Variants in KYAT3 observed in about 807,000 individuals in gnomAD.
KYAT3 encodes kynurenine aminotransferase 3.
KYAT3 carries 50 observed loss-of-function variants against 59.0 expected under a neutral mutation model. The observed-to-expected ratio is 0.85, with a 90% CI of 0.68 to 1.07. KYAT3 has a LOEUF of 1.07. KYAT3 is among the 50% of genes least tolerant of loss of function. The pLI is 0.00. For synonymous variants in KYAT3, 148 were observed against 177.0 expected, an observed-to-expected ratio of 0.84 and a Z score of 1.30; for missense variants, 497 against 533.3, an observed-to-expected ratio of 0.93 and a Z score of 0.67.
intron 1 of KYAT3, among the ~76,000 whole-genome samples, chr1:88,990,739 G>C (rs541236547): frequency 6.6e-6 from 1 of 152,168 alleles, no homozygotes; most frequent in Non-Finnish European, 1.5e-5. Context: ...TGGCTCTGAA[G>C]AAATCTAAGC....
chr1:88,955,105 T>C (rs1675853736), intron 9 of KYAT3, 44 bp downstream of exon 9: 1 of 1,244,050 alleles, frequency 8.0e-7, no homozygotes, highest in Non-Finnish European at 1.2e-6. Context: ...AAATAAATAA[T>C]ATACAGGCCT....
the KYAT3 span, among the ~76,000 whole-genome samples, chr1:88,929,638 C>T: frequency 1.3e-5 from 2 of 152,212 alleles, no homozygotes; most frequent in Non-Finnish European, 2.9e-5. Flanking sequence ...CCTTTTGCCA[C>T]TAAGCCACCC....
At chr1:88,932,670 C>CT (rs1426268132), downstream of KYAT3, among the ~76,000 whole-genome samples, 1 of 151,828 alleles carries the variant, frequency 6.6e-6, no homozygotes, top group Admixed American at 6.6e-5. Flanking sequence ...TTTTTAAATT[C>CT]TTTTTTGTGG....
At chr1:88,957,642 A>G (rs17432348) in intron 8 of KYAT3, among the ~76,000 whole-genome samples, 16,161 of 152,270 alleles carry the variant, frequency 0.11, 925 homozygotes, top group Middle Eastern at 0.19. Context: ...ATCTAAGTTC[A>G]AAATATACAT....
At chr1:88,949,582 CTGAGG>C (rs1675593832) in intron 10 of KYAT3, among the ~76,000 whole-genome samples, 1 of 152,178 alleles carries the variant, frequency 6.6e-6, no homozygotes, top group Admixed American at 6.5e-5. Flanking sequence ...ATATTTTCTG[CTGAGG>C]TGAGTTGTAG....
In KYAT3 at chr1:88,953,413, G is replaced by A. The variant is rs140483656; in HGVS notation, c.865-261C>T. 7.2e-4 allele frequency among the ~76,000 whole-genome samples: 110 copies of A among 152,050 alleles called. 1 individual carries two copies. The highest frequency in any genetic ancestry group is 2.5e-3 in the African/African-American group (103 of 41,442). ...ACAAAAAAATTAGCTGGGCATGGTG[G>A]TGGGCACCTGTAATCCCAGCTACTT... is the stretch of plus-strand genomic sequence containing the variant. On this transcript the variant is annotated intron_variant, in intron 9 of 13. Transcript: ENST00000260508.
chr1:88,965,507 A>G (rs1308656397), intron 4 of KYAT3, among the ~76,000 whole-genome samples: 3 of 152,222 alleles, frequency 2.0e-5, no homozygotes, highest in Non-Finnish European at 2.9e-5. Context: ...CACTACTCAC[A>G]CTGACAGTCA....
the KYAT3 span, among the ~76,000 whole-genome samples, chr1:88,922,787 T>C: frequency 6.6e-6 from 1 of 152,198 alleles, no homozygotes; most frequent in Non-Finnish European, 1.5e-5. Context: ...ATGTAGTTTG[T>C]ATGGAATTGA....
intron 4 of KYAT3, among the ~76,000 whole-genome samples, chr1:88,965,907 A>T (rs1411870665): frequency 6.6e-6 from 1 of 152,238 alleles, no homozygotes; most frequent in East Asian, 1.9e-4. Flanking sequence ...AACAAATTCT[A>T]GCAAGAGGAG....
rs950058566 is a variant in KYAT3, at chr1:88,969,345, A to G, written c.158+64T>C. The G allele has an allele frequency of 1.4e-5, 14 of 982,074 alleles. No homozygotes were observed. The African/African-American group carries it at 2.3e-4, about 16-fold the overall frequency. The allele number at this position is 982,074 out of a possible 1,614,324, so 60.8% of individuals were successfully genotyped here. ...CATGGATGAGGCAAAAAAAACTCCCATCTAAAGATACGAAAATATGTAGGA... is the reference window on the plus strand; with the variant it reads ...CATGGATGAGGCAAAAAAAACTCCCGTCTAAAGATACGAAAATATGTAGGA... On this transcript the variant is annotated intron_variant, in intron 3 of 13. Transcript: ENST00000260508.
rs1024664079 is a variant in KYAT3 at position 88,981,948 on chromosome 1, C to T, written c.99+6304G>A. 7.1e-6 allele frequency: 7 copies of T among 982,340 alleles called. No homozygotes were observed. The African/African-American group carries it at 1.2e-4, about 17-fold the overall frequency. 60.9% of individuals were successfully genotyped at this position (982,340 alleles called of 1,614,324 possible). On this transcript the variant is annotated intron_variant, in intron 2 of 13. Transcript: ENST00000260508. ...AATTTGAAAGAGTAAGAGCAAGCAC[C>T]TTTGCAGCTTCATGGTTGGTTTTGG...
chr1:88,982,684 A>C, intron 2 of KYAT3: 5 of 1,613,082 alleles, frequency 3.1e-6, no homozygotes, highest in Non-Finnish European at 4.2e-6. Context: ...CCCCTCTATC[A>C]GATCGGCTTC....
chr1:88,977,533 T>C (rs1676842090), intron 2 of KYAT3, among the ~76,000 whole-genome samples: 1 of 152,152 alleles, frequency 6.6e-6, no homozygotes, highest in Admixed American at 6.5e-5. Context: ...GAGACGAGGT[T>C]TCACCATGTT....
intron 2 of KYAT3, among the ~76,000 whole-genome samples, chr1:88,970,371 A>G (rs1160595082): frequency 1.3e-5 from 2 of 152,230 alleles, no homozygotes; most frequent in Non-Finnish European, 2.9e-5. Flanking sequence ...TATGAGGTAC[A>G]GAGGTACGGA....
At chr1:88,964,127 C>G (rs763225415) in intron 5 of KYAT3, among the ~76,000 whole-genome samples, 1 of 152,128 alleles carries the variant, frequency 6.6e-6, no homozygotes, top group Non-Finnish European at 1.5e-5. Context: ...CACTTGAACC[C>G]GTGAGGTGGA....
At position 88,953,233 on chromosome 1, in the gene KYAT3, A is replaced by G. The variant is rs1327526439; in HGVS notation, c.865-81T>C. On this transcript the variant is annotated intron_variant, in intron 9 of 13. Coordinates refer to ENST00000260508, the MANE Select transcript of KYAT3 (RefSeq NM_001008661.3). ...GAGACAGCAGTTTAAACTTAGTGCAATTGTTAAATATATACAATCCTAAAA... is the reference window on the plus strand; with the variant it reads ...GAGACAGCAGTTTAAACTTAGTGCAGTTGTTAAATATATACAATCCTAAAA... The G allele has an allele frequency of 1.0e-5, 9 of 875,832 alleles. No homozygotes were observed. In the East Asian group the frequency reaches 2.0e-4, roughly 20 times the overall value. 54.3% of individuals were successfully genotyped at this position (875,832 alleles called of 1,614,324 possible).
downstream of KYAT3, among the ~76,000 whole-genome samples, chr1:88,931,305 A>C (rs1437316856): frequency 6.6e-6 from 1 of 152,196 alleles, no homozygotes; most frequent in Non-Finnish European, 1.5e-5. Context: ...CCTCCTTGTT[A>C]AGTTTGTCTC....
At chr1:88,926,075 T>C in the KYAT3 span, among the ~76,000 whole-genome samples, 1 of 152,284 alleles carries the variant, frequency 6.6e-6, no homozygotes, top group East Asian at 1.9e-4. Context: ...CAGAAGAAAG[T>C]AGAAAATTAG....
chr1:88,956,012 C>T (rs929162855), intron 8 of KYAT3, among the ~76,000 whole-genome samples: 2 of 152,110 alleles, frequency 1.3e-5, no homozygotes, highest in Admixed American at 6.5e-5. Flanking sequence ...CTTTTTTTAT[C>T]TCAAAAGAAG....
Sources: gnomAD v4.1 joint callset for allele counts (sites outside exome capture counted in the v4.1 genomes callset) on GRCh38, gnomAD v4.1.1 for gene constraint, MANE v1.5 for transcripts, NCBI Gene and HGNC (gene_info 2026-07-23, HGNC 2026-07-21) for gene names.